The following CCSER1 variants were observed in gnomAD, a reference collection of about 807,000 sequenced individuals.
CCSER1 encodes the protein coiled-coil serine rich protein 1.
CCSER1 carries 41 observed loss-of-function variants against 82.0 expected under a neutral mutation model. That is an observed-to-expected ratio of 0.50 (90% CI 0.39 to 0.65). The LOEUF (loss-of-function observed/expected upper bound fraction) is 0.65. CCSER1 is among the 30% of genes least tolerant of loss of function. CCSER1 has a pLI of 0.00. For missense variants in CCSER1, 1,119 were observed against 1,064.2 expected (o/e 1.05, Z -0.72); for synonymous variants, 414 against 383.9 (o/e 1.08, Z -0.92).
intron 10 of CCSER1, among the ~76,000 whole-genome samples, chr4:91,302,308 C>G (rs1194527124): frequency 2.0e-5 from 3 of 152,014 alleles, no homozygotes; most frequent in East Asian, 1.9e-4. Flanking sequence ...GGAAAACTCT[C>G]TGGTTCCTCT....
At chr4:90,412,643 TA>T (rs1755068447) in intron 4 of CCSER1, among the ~76,000 whole-genome samples, 2 of 151,826 alleles carry the variant, frequency 1.3e-5, no homozygotes, top group South Asian at 4.1e-4. Flanking sequence ...AAAACAGAAT[TA>T]AAAACACATA....
intron 10 of CCSER1, among the ~76,000 whole-genome samples, chr4:91,173,991 A>G (rs1733042656): frequency 6.6e-6 from 1 of 152,230 alleles, no homozygotes; most frequent in African/African-American, 2.4e-5. Flanking sequence ...CAAACTTTAC[A>G]TAAGTACACA....
In CCSER1 at chr4:91,599,116, T is replaced by C. The variant is rs1764718077; in HGVS notation, c.*59T>C. ...AAAGATGGTTAGTGTTTCTCGTGCA[T>C]AGTTCATATTAAAATTGTCATGTAC... On this transcript the variant is annotated 3_prime_UTR_variant, in exon 11 of 11. Coordinates refer to ENST00000509176, the MANE Select transcript of CCSER1 (RefSeq NM_001145065.2). 7.0e-7 allele frequency: 1 copy of C among 1,423,554 alleles called. No individual in the cohort carries two copies. Among genetic ancestry groups the C allele is most frequent in the Non-Finnish European group, 9.3e-7 (1 of 1,078,596 alleles). The allele number at this position is 1,423,554 out of a possible 1,614,324, so 88.2% of individuals were successfully genotyped here. A position where few individuals can be genotyped will look rare whatever the true frequency, so the allele number is the denominator to read the frequency against.
intron 9 of CCSER1, among the ~76,000 whole-genome samples, chr4:91,016,262 G>A (rs1243604375): frequency 1.3e-5 from 2 of 151,844 alleles, no homozygotes; most frequent in Middle Eastern, 3.2e-3. Context: ...TCAGTGAAAT[G>A]ATTTATAAAG....
intron 10 of CCSER1, among the ~76,000 whole-genome samples, chr4:91,163,560 G>T (rs1731680875): frequency 2.0e-5 from 3 of 152,152 alleles, no homozygotes. Context: ...TATTGTTTGG[G>T]AGTCTAAGTC....
intron 10 of CCSER1, among the ~76,000 whole-genome samples, chr4:91,130,363 C>T (rs1727890121): frequency 6.6e-6 from 1 of 151,752 alleles, no homozygotes; most frequent in Non-Finnish European, 1.5e-5. Flanking sequence ...AATTTATAAA[C>T]TCTCCAACTT....
At chr4:91,148,727 A>C (rs893114174) in intron 10 of CCSER1, among the ~76,000 whole-genome samples, 1 of 152,144 alleles carries the variant, frequency 6.6e-6, no homozygotes, top group Non-Finnish European at 1.5e-5. Flanking sequence ...GAGTGAGAAC[A>C]TGTGGTGTTT....
At chr4:90,156,702 C>CT (rs1448332529) in intron 1 of CCSER1, among the ~76,000 whole-genome samples, 1 of 151,992 alleles carries the variant, frequency 6.6e-6, no homozygotes, top group Non-Finnish European at 1.5e-5. Context: ...CAACCCCTGC[C>CT]TTTTTTTGTT....
chr4:91,244,019 T>C (rs1304541973), intron 10 of CCSER1, among the ~76,000 whole-genome samples: 1 of 152,200 alleles, frequency 6.6e-6, no homozygotes, highest in Non-Finnish European at 1.5e-5. Flanking sequence ...TTCCCTGGGC[T>C]ACAGGAGAGT....
At chr4:90,701,292 G>T (rs971716592) in intron 6 of CCSER1, among the ~76,000 whole-genome samples, 6 of 152,120 alleles carry the variant, frequency 3.9e-5, no homozygotes, top group African/African-American at 1.2e-4. Flanking sequence ...TCAGATGGTT[G>T]TAGATGTGTG....
intron 7 of CCSER1, among the ~76,000 whole-genome samples, chr4:90,809,703 G>T (rs1204151183): frequency 6.7e-6 from 1 of 150,102 alleles, no homozygotes; most frequent in East Asian, 2.0e-4. Flanking sequence ...ACAAACCAAT[G>T]AAAATAAAAT....
intron 5 of CCSER1, among the ~76,000 whole-genome samples, chr4:90,564,992 C>G (rs1779198962): frequency 6.7e-6 from 1 of 149,068 alleles, no homozygotes; most frequent in Non-Finnish European, 1.5e-5. Context: ...CTCAAGATTG[C>G]TTTGGTGATT....
At chr4:90,986,140 A>G (rs562289757) in intron 9 of CCSER1, among the ~76,000 whole-genome samples, 2 of 151,752 alleles carry the variant, frequency 1.3e-5, no homozygotes, top group Non-Finnish European at 2.9e-5. Flanking sequence ...CATGTTAAGT[A>G]TATCTTAATC....
intron 5 of CCSER1, among the ~76,000 whole-genome samples, chr4:90,553,333 G>A (rs185602126): frequency 2.5e-4 from 38 of 152,250 alleles, no homozygotes; most frequent in Middle Eastern, 3.4e-3. Context: ...TTAATAAAGT[G>A]TTAATTGAAT....
chr4:91,110,889 T>C (rs1726041704), intron 10 of CCSER1, among the ~76,000 whole-genome samples: 1 of 151,906 alleles, frequency 6.6e-6, no homozygotes. Context: ...TTGGGGTCAT[T>C]TAGAAATAAA....
chr4:90,363,346 T>C (rs1001525526), intron 3 of CCSER1, among the ~76,000 whole-genome samples: 6 of 152,200 alleles, frequency 3.9e-5, no homozygotes, highest in Non-Finnish European at 8.8e-5. Flanking sequence ...TAAATTTGTT[T>C]TTCTTTCATT....
At chr4:91,152,819 T>C (rs1409912869) in intron 10 of CCSER1, among the ~76,000 whole-genome samples, 1 of 149,594 alleles carries the variant, frequency 6.7e-6, no homozygotes, top group Non-Finnish European at 1.5e-5. Flanking sequence ...TTGAAGATTC[T>C]TTTCTTTAAG....
chr4:91,183,765 T>C (rs1274204434), intron 10 of CCSER1, among the ~76,000 whole-genome samples: 1 of 152,178 alleles, frequency 6.6e-6, no homozygotes, highest in Non-Finnish European at 1.5e-5. Flanking sequence ...ATCTATTCTA[T>C]TTATTTGAGG....
intron 5 of CCSER1, among the ~76,000 whole-genome samples, chr4:90,599,331 A>C (rs763124474): frequency 6.6e-6 from 1 of 151,996 alleles, no homozygotes; most frequent in South Asian, 2.1e-4. Context: ...TGATGGTTTT[A>C]AAAGTGTTTG....
Sources: allele counts gnomAD v4.1 joint callset (sites outside exome capture counted in the v4.1 genomes callset), GRCh38; gene constraint gnomAD v4.1.1; transcripts MANE v1.5; gene names NCBI Gene and HGNC (gene_info 2026-07-23, HGNC 2026-07-21).